The following SLX4IP variants were observed in gnomAD, a reference collection of about 807,000 sequenced individuals.
The protein encoded by SLX4IP is SLX4 interacting protein.
Under a neutral mutation model 32.9 loss-of-function variants are expected in SLX4IP, and 34 were observed. The observed-to-expected ratio is 1.03, with a 90% CI of 0.79 to 1.38. The LOEUF is 1.38. Ranked by LOEUF, SLX4IP falls within the 40% of genes most tolerant of loss-of-function variation. The pLI is 0.00. For synonymous variants in SLX4IP, 172 were observed against 171.7 expected (o/e 1.00, Z -0.01); for missense variants, 444 against 479.0 (o/e 0.93, Z 0.68).
chr20:10,477,240 G>A (rs998066253), intron 2 of SLX4IP, among the ~76,000 whole-genome samples: 6 of 151,952 alleles, frequency 3.9e-5, no homozygotes, highest in Admixed American at 6.6e-5. Context: ...TCCGCCTCCT[G>A]GGTTCAAGTG....
chr20:10,458,278 A>G, intron 2 of SLX4IP, 47 bp downstream of exon 2: 2 of 1,492,768 alleles, frequency 1.3e-6, no homozygotes, highest in Non-Finnish European at 1.8e-6. Context: ...ATCACTTTCT[A>G]ATATAACTGA....
chr20:10,581,903 C>T (rs1192322777), intron 4 of SLX4IP, among the ~76,000 whole-genome samples: 3 of 152,152 alleles, frequency 2.0e-5, no homozygotes, highest in East Asian at 1.9e-4. Flanking sequence ...TCAAAGCCCC[C>T]TGTAACTGGA....
Position 10,623,081 on chromosome 20 carries a change from G to T in SLX4IP, c.929G>T (p.Arg310Ile). Residue 310 changes from arginine (R) to isoleucine (I), a missense_variant, in exon 8 of 8, where the codon AGA (arginine) becomes ATA (isoleucine). Coordinates refer to ENST00000334534, the MANE Select transcript of SLX4IP (RefSeq NM_001009608.3). Reference protein sequence around the residue: ...SSAEDFDHHGRVSLGSDRLVP... With the variant: ...SSAEDFDHHGIVSLGSDRLVP... The stretch of plus-strand genomic sequence containing the variant: ...GCGGAAGACTTCGACCACCACGGGA[G>T]AGTTTCTCTTGGAAGTGATCGATTA... The T allele has an allele frequency of 6.2e-7, 1 of 1,614,180 alleles. No individual in the cohort carries two copies. The highest frequency in any genetic ancestry group is 8.5e-7 in the Non-Finnish European group (1 of 1,180,010).
At position 10,623,022 on chromosome 20, in the gene SLX4IP, C is replaced by T; in HGVS notation, c.870C>T (p.Ala290=). The T allele has an allele frequency of 6.2e-7, 1 of 1,614,172 alleles. No individual in the cohort carries two copies. Among genetic ancestry groups the T allele is most frequent in the Non-Finnish European group, 8.5e-7 (1 of 1,180,022 alleles). ...SPCPKQSPRV[A]KTQQKRRNCS... ...GTCCAAAACAAAGTCCACGAGTGGC[C>T]AAAACCCAACAGAAACGCAGGAACT... is the stretch of plus-strand genomic sequence containing the variant. The change falls in exon 8 of 8, where the codon GCC becomes GCT. Residue 290 remains alanine (A), a synonymous_variant. Coordinates refer to ENST00000334534, the MANE Select transcript of SLX4IP (RefSeq NM_001009608.3).
intron 4 of SLX4IP, among the ~76,000 whole-genome samples, chr20:10,592,274 C>T (rs1374081442): frequency 6.6e-6 from 1 of 152,100 alleles, no homozygotes; most frequent in Admixed American, 6.5e-5. Context: ...AGACTAGGAT[C>T]CCGTATGTAT....
intron 6 of SLX4IP, among the ~76,000 whole-genome samples, chr20:10,620,986 A>T (rs941287734): frequency 3.9e-5 from 6 of 152,202 alleles, no homozygotes; most frequent in African/African-American, 1.4e-4. Context: ...ACACAGTAGG[A>T]TTCTGGGGCT....
intron 6 of SLX4IP, among the ~76,000 whole-genome samples, chr20:10,619,754 G>C (rs1166426165): frequency 6.6e-6 from 1 of 152,162 alleles, no homozygotes; most frequent in Admixed American, 6.5e-5. Context: ...GGCATGTTTA[G>C]AAGTGTTTCA....
chr20:10,540,113 TTCC>T (rs1289828395), intron 2 of SLX4IP, among the ~76,000 whole-genome samples: 1 of 145,450 alleles, frequency 6.9e-6, no homozygotes, highest in African/African-American at 2.6e-5. Flanking sequence ...CCTTCCTTCC[TTCC>T]TTCCTTCCTT....
intron 1 of SLX4IP, among the ~76,000 whole-genome samples, chr20:10,437,904 T>G (rs544177377): frequency 2.6e-4 from 39 of 152,328 alleles, no homozygotes; most frequent in African/African-American, 8.2e-4. Flanking sequence ...CTAATCAGCT[T>G]TGTGACCTTG....
At chr20:10,493,893 T>A in intron 2 of SLX4IP, among the ~76,000 whole-genome samples, 1 of 129,134 alleles carries the variant, frequency 7.7e-6, no homozygotes, top group South Asian at 2.7e-4. Context: ...AGTCAGGGTC[T>A]TACTGTGTTA....
chr20:10,563,879 G>A (rs2066359190), intron 4 of SLX4IP, among the ~76,000 whole-genome samples: 1 of 152,112 alleles, frequency 6.6e-6, no homozygotes, highest in African/African-American at 2.4e-5. Flanking sequence ...AGTTGCTTTG[G>A]CTATTTGGGT....
At chr20:10,605,059 T>C (rs1275615053) in intron 6 of SLX4IP, among the ~76,000 whole-genome samples, 1 of 152,232 alleles carries the variant, frequency 6.6e-6, no homozygotes, top group Admixed American at 6.5e-5. Context: ...CAAAAGCCTA[T>C]GTAGAAACTG....
intron 4 of SLX4IP, among the ~76,000 whole-genome samples, chr20:10,570,037 T>G (rs552445548): frequency 6.6e-6 from 1 of 152,310 alleles, no homozygotes; most frequent in East Asian, 1.9e-4. Flanking sequence ...CTCCGTCTTA[T>G]TTGGAGGTAT....
intron 3 of SLX4IP, among the ~76,000 whole-genome samples, 157 bp from the exon 4 acceptor site, chr20:10,560,543 C>T (rs530074798): frequency 2.0e-5 from 3 of 152,126 alleles, no homozygotes; most frequent in South Asian, 2.1e-4. Context: ...TTTAAATTTG[C>T]GGTGTTATTC....
At chr20:10,594,119 C>A (rs77934257) in intron 4 of SLX4IP, among the ~76,000 whole-genome samples, 10,728 of 152,158 alleles carry the variant, frequency 0.071, 613 homozygotes, top group South Asian at 0.23. Context: ...GTATGAAATA[C>A]GGCAAAATAT....
intron 4 of SLX4IP, among the ~76,000 whole-genome samples, chr20:10,588,800 G>A (rs139190052): frequency 1.3e-5 from 2 of 152,230 alleles, no homozygotes; most frequent in Non-Finnish European, 2.9e-5. Context: ...GAAGGAAGGG[G>A]AGATTTGGTC....
At chr20:10,589,523 A>T (rs1303086369) in intron 4 of SLX4IP, among the ~76,000 whole-genome samples, 1 of 152,188 alleles carries the variant, frequency 6.6e-6, no homozygotes, top group Admixed American at 6.5e-5. Context: ...GTGTTAACTG[A>T]CTGATGATAA....
chr20:10,498,079 C>T (rs896709289), intron 2 of SLX4IP, among the ~76,000 whole-genome samples: 1 of 150,930 alleles, frequency 6.6e-6, no homozygotes, highest in Non-Finnish European at 1.5e-5. Flanking sequence ...ATCATTTTAA[C>T]TGGCAATATT....
rs563658899 is a variant in SLX4IP at position 10,439,850 on chromosome 20, T to C, written c.-30+4397T>C. ...GTAGAGATCTATAAAGCCAACCCTA[T>C]AATTTCATAAAACTCCCCTTTGTCA... On this transcript the variant is annotated intron_variant, in intron 1 of 7. Transcript: ENST00000334534. Among the ~76,000 whole-genome samples the C allele has an allele frequency of 4.6e-5, 7 of 152,332 alleles. No homozygotes were observed. The East Asian group carries it at 1.2e-3, about 25-fold the overall frequency.
Sources: gnomAD v4.1 joint callset for allele counts (sites outside exome capture counted in the v4.1 genomes callset) on GRCh38, gnomAD v4.1.1 for gene constraint, MANE v1.5 for transcripts, NCBI Gene and HGNC (gene_info 2026-07-23, HGNC 2026-07-21) for gene names.